Variants in MEGF11 observed in about 807,000 individuals in gnomAD.
The protein encoded by MEGF11 is multiple EGF like domains 11.
In MEGF11, 126 loss-of-function variants were observed where a neutral mutation model predicts 146.6. The observed-to-expected ratio is 0.86, with a 90% CI of 0.74 to 1.00. The LOEUF (loss-of-function observed/expected upper bound fraction) is 1.00. MEGF11 is among the 50% of genes least tolerant of loss of function. The pLI is 0.00. For synonymous variants in MEGF11, 532 were observed against 583.4 expected (o/e 0.91, Z 1.27); for missense variants, 1,509 against 1,521.2 (o/e 0.99, Z 0.13).
In MEGF11 at chr15:66,133,659, G is replaced by C. The variant is rs1451057789; in HGVS notation, c.-8-5248C>G. 2.0e-5 allele frequency among the ~76,000 whole-genome samples: 3 copies of C among 152,138 alleles called. No individual in the cohort carries two copies. In the East Asian group the frequency reaches 5.8e-4, roughly 29 times the overall value. On this transcript the variant is annotated intron_variant, in intron 1 of 25. Coordinates refer to ENST00000395614, the MANE Select transcript of MEGF11 (RefSeq NM_001385028.1). ...GGGCCTGATTAGTGCGAGATGAAAA[G>C]AGGAGTTGGATCAGCCCTCGTAATT...
chr15:66,025,091 G>A (rs2083282501), intron 5 of MEGF11, among the ~76,000 whole-genome samples: 1 of 152,204 alleles, frequency 6.6e-6, no homozygotes, highest in South Asian at 2.1e-4. Flanking sequence ...GGCCAGGTCT[G>A]CCCAGAAAGA....
At chr15:65,966,795 G>A (rs577368905) in intron 8 of MEGF11, among the ~76,000 whole-genome samples, 59 of 152,024 alleles carry the variant, frequency 3.9e-4, no homozygotes, top group East Asian at 9.7e-4. Context: ...TGGCTCCTCC[G>A]TGGGCGAGTG....
chr15:66,018,663 G>A (rs2082981388), intron 5 of MEGF11, among the ~76,000 whole-genome samples: 1 of 127,764 alleles, frequency 7.8e-6, no homozygotes, highest in Non-Finnish European at 1.7e-5. Context: ...CTATGCGTGG[G>A]TGAGGGTGTC....
intron 5 of MEGF11, among the ~76,000 whole-genome samples, chr15:66,079,611 G>A (rs753519966): frequency 2.7e-5 from 4 of 146,232 alleles, no homozygotes; most frequent in African/African-American, 7.7e-5. Flanking sequence ...CAGACAGGCC[G>A]ACGGCTCAGA....
intron 1 of MEGF11, among the ~76,000 whole-genome samples, chr15:66,238,257 G>T (rs2092138387): frequency 6.6e-6 from 1 of 152,014 alleles, no homozygotes; most frequent in Non-Finnish European, 1.5e-5. Context: ...AGAAACGCCT[G>T]CCCACCCCAG....
At chr15:66,172,227 C>T (rs949521388) in intron 1 of MEGF11, among the ~76,000 whole-genome samples, 10 of 152,226 alleles carry the variant, frequency 6.6e-5, no homozygotes, top group African/African-American at 2.4e-4. Flanking sequence ...CACTGTCTTG[C>T]AAGAGTGGAG....
chr15:66,007,626 C>G (rs417442), intron 5 of MEGF11, among the ~76,000 whole-genome samples: 147,173 of 152,266 alleles, frequency 0.97, 71,329 homozygotes, highest in Middle Eastern at 1. Context: ...GGTACGTGCT[C>G]GTGGTCCCAG....
At chr15:65,965,203 T>G in intron 8 of MEGF11, 83 bp from the exon 9 acceptor site, 2 of 1,179,908 alleles carry the variant, frequency 1.7e-6, no homozygotes, top group Non-Finnish European at 2.4e-6. Context: ...GTGGTCCTCC[T>G]GGCCATCTGG....
chr15:66,087,939 A>G (rs1231862642), intron 5 of MEGF11, among the ~76,000 whole-genome samples: 3 of 152,226 alleles, frequency 2.0e-5, no homozygotes, highest in Non-Finnish European at 4.4e-5. Flanking sequence ...AGATTAACCA[A>G]GAAAAGAAGA....
intron 1 of MEGF11, among the ~76,000 whole-genome samples, chr15:66,230,031 A>G (rs1346839375): frequency 6.6e-6 from 1 of 152,174 alleles, no homozygotes; most frequent in African/African-American, 2.4e-5. Context: ...AGGGAGATTC[A>G]TGTCATTCAC....
In MEGF11 at chr15:66,009,541, G is replaced by A. The variant is rs551357949; in HGVS notation, c.395-27053C>T. Among the ~76,000 whole-genome samples, 17 of 152,180 alleles carry A rather than the reference G, an allele frequency of 1.1e-4. No individual in the cohort carries two copies. In the South Asian group the frequency reaches 3.5e-3, roughly 31 times the overall value. On this transcript the variant is annotated intron_variant, in intron 5 of 25. Transcript: ENST00000395614. ...TAGGGGTGGGTATTTCAAAAGCAGA[G>A]GCTGGGGCCACTGAGCAGAATCTAG... is the stretch of plus-strand genomic sequence containing the variant.
At chr15:66,011,664 C>T (rs1358701026) in intron 5 of MEGF11, among the ~76,000 whole-genome samples, 5 of 151,882 alleles carry the variant, frequency 3.3e-5, no homozygotes, top group Non-Finnish European at 5.9e-5. Context: ...TCAGAAAAAA[C>T]GATGCATGTA....
intron 1 of MEGF11, among the ~76,000 whole-genome samples, chr15:66,234,520 T>C (rs562017744): frequency 2.6e-4 from 40 of 152,282 alleles, no homozygotes; most frequent in African/African-American, 8.4e-4. Flanking sequence ...CCAGGCATGG[T>C]TCTGCCCCCT....
intron 4 of MEGF11, among the ~76,000 whole-genome samples, chr15:66,096,222 A>G (rs1025153957): frequency 2.0e-5 from 3 of 152,148 alleles, no homozygotes; most frequent in African/African-American, 7.2e-5. Flanking sequence ...TTGTCACATT[A>G]GCTCACTAAC....
chr15:65,947,791 G>A (rs760773689), intron 10 of MEGF11, among the ~76,000 whole-genome samples: 27 of 152,154 alleles, frequency 1.8e-4, no homozygotes, highest in African/African-American at 5.1e-4. Flanking sequence ...CATAGATGCC[G>A]CAGATCTGCT....
chr15:65,944,783 G>A (rs2080128897), intron 10 of MEGF11, among the ~76,000 whole-genome samples: 1 of 152,060 alleles, frequency 6.6e-6, no homozygotes, highest in African/African-American at 2.4e-5. Flanking sequence ...TTTAACACTG[G>A]AGAGGCTTTT....
chr15:66,044,267 G>A (rs1270671137), intron 5 of MEGF11, among the ~76,000 whole-genome samples: 1 of 152,156 alleles, frequency 6.6e-6, no homozygotes, highest in East Asian at 1.9e-4. Context: ...GTAGTTGTTG[G>A]TACTAAGGAA....
chr15:66,109,026 G>A (rs2087245342), intron 4 of MEGF11, among the ~76,000 whole-genome samples: 2 of 152,204 alleles, frequency 1.3e-5, no homozygotes, highest in Admixed American at 1.3e-4. Context: ...AAGAAGCGAT[G>A]CCTCAATCCT....
chr15:66,023,869 G>A (rs1403650756), intron 5 of MEGF11, among the ~76,000 whole-genome samples: 1 of 152,202 alleles, frequency 6.6e-6, no homozygotes, highest in African/African-American at 2.4e-5. Flanking sequence ...AGGCTAGACT[G>A]GCAGCCAAGG....
Sources: allele counts gnomAD v4.1 joint callset (sites outside exome capture counted in the v4.1 genomes callset), GRCh38; gene constraint gnomAD v4.1.1; transcripts MANE v1.5; gene names NCBI Gene and HGNC (gene_info 2026-07-23, HGNC 2026-07-21).